The following GANC variants were observed in gnomAD, a reference collection of about 807,000 sequenced individuals.
The protein encoded by GANC is glucosidase alpha, neutral C, also known as neutral alpha-glucosidase C.
In GANC, 117 loss-of-function variants were observed where a neutral mutation model predicts 124.2. The ratio of observed to expected loss-of-function variants is 0.94; its 90% CI spans 0.81 to 1.10. The LOEUF (loss-of-function observed/expected upper bound fraction) is 1.10. GANC is among the 50% of genes least tolerant of loss of function. The pLI is 0.00. For missense variants in GANC, 1,140 were observed against 1,095.0 expected, an observed-to-expected ratio of 1.04 and a Z score of -0.58; for synonymous variants, 377 against 376.8, an observed-to-expected ratio of 1.00 and a Z score of -0.01.
At chr15:42,329,649 G>A (rs1413072894) in intron 14 of GANC, 200 bp downstream of exon 14, 1 of 447,996 alleles carries the variant, frequency 2.2e-6, no homozygotes, top group Non-Finnish European at 3.9e-6. Flanking sequence ...TTTTCATGAT[G>A]AACTTGATGA....
intron 5 of GANC, among the ~76,000 whole-genome samples, chr15:42,293,423 G>A (rs935565645): frequency 1.2e-4 from 19 of 152,076 alleles, no homozygotes; most frequent in African/African-American, 4.3e-4. Context: ...TTAGTCTATA[G>A]TTCTTTCTAT....
intron 1 of GANC, among the ~76,000 whole-genome samples, chr15:42,274,976 G>C (rs1314931961): frequency 1.3e-5 from 2 of 152,174 alleles, no homozygotes; most frequent in Non-Finnish European, 2.9e-5. Context: ...TTTCAGGCAT[G>C]TTGCTTTCCA....
intron 11 of GANC, among the ~76,000 whole-genome samples, chr15:42,325,525 T>G (rs968178750): frequency 3.3e-5 from 5 of 152,200 alleles, no homozygotes; most frequent in African/African-American, 1.2e-4. Flanking sequence ...CCACTGGGCT[T>G]GGGGACTTTG....
chr15:42,352,280 T>C lies in GANC; in HGVS notation c.*141T>C, dbSNP rs920984360. 15 of 1,445,924 alleles carry C rather than the reference T, an allele frequency of 1.0e-5. No homozygotes were observed. Among genetic ancestry groups the C allele is most frequent in the Non-Finnish European group, 1.4e-5 (15 of 1,099,412 alleles). The allele number at this position is 1,445,924 out of a possible 1,614,324, so 89.6% of individuals were successfully genotyped here. ...CTTTCATTCGTCACCATTATACTAA[T>C]GAACAATAGATTTCATGTTTCAAAA... On this transcript the variant is annotated 3_prime_UTR_variant, in exon 24 of 24. Transcript: ENST00000318010.
rs2052280404 is a variant in GANC at position 42,336,050 on chromosome 15, A to G, written c.1742-2339A>G. On this transcript the variant is annotated intron_variant, in intron 15 of 23. Coordinates refer to ENST00000318010, the MANE Select transcript of GANC (RefSeq NM_198141.3). ...TGAAATGGCCATACTGCCCAAAGCA[A>G]TTTATAGATTCCGTGCTATTCCTGT... Among the ~76,000 whole-genome samples, 5 of 152,084 alleles carry G rather than the reference A, an allele frequency of 3.3e-5. No individual in the cohort carries two copies. In the South Asian group the frequency reaches 1.0e-3, roughly 32 times the overall value.
chr15:42,305,360 C>G (rs938557406), intron 6 of GANC, among the ~76,000 whole-genome samples: 1 of 152,228 alleles, frequency 6.6e-6, no homozygotes, highest in African/African-American at 2.4e-5. Flanking sequence ...CTCATCATCA[C>G]TGGTCATTAG....
chr15:42,278,670 A>G, intron 3 of GANC, 80 bp downstream of exon 3: 1 of 996,620 alleles, frequency 1.0e-6, no homozygotes, highest in Non-Finnish European at 1.5e-6. Flanking sequence ...AAAGCTATGT[A>G]TGCTTCAAAA....
intron 10 of GANC, 44 bp downstream of exon 10, chr15:42,310,890 C>A (rs1440803430): frequency 8.2e-6 from 13 of 1,575,996 alleles, no homozygotes; most frequent in Non-Finnish European, 1.1e-5. Context: ...TGTTACATAT[C>A]CAATGTCCCA....
intron 11 of GANC, among the ~76,000 whole-genome samples, chr15:42,324,093 A>C (rs1410193581): frequency 6.6e-6 from 1 of 152,152 alleles, no homozygotes; most frequent in Non-Finnish European, 1.5e-5. Flanking sequence ...GCAACAACAA[A>C]AAAAAACAGT....
intron 3 of GANC, among the ~76,000 whole-genome samples, chr15:42,287,337 T>C (rs1046055262): frequency 6.6e-6 from 1 of 152,224 alleles, no homozygotes; most frequent in Non-Finnish European, 1.5e-5. Flanking sequence ...GTATCTGTAG[T>C]TTATCATAGA....
intron 7 of GANC, among the ~76,000 whole-genome samples, chr15:42,307,382 G>A (rs1318665012): frequency 7.2e-6 from 1 of 138,190 alleles, no homozygotes; most frequent in Non-Finnish European, 1.5e-5. Flanking sequence ...CACCCAGGCT[G>A]GAGTGCAGTG....
intron 11 of GANC, among the ~76,000 whole-genome samples, chr15:42,323,675 G>T (rs1341237953): frequency 6.6e-6 from 1 of 151,914 alleles, no homozygotes; most frequent in South Asian, 2.1e-4. Flanking sequence ...ACTAATTTTT[G>T]TATTTTTAGT....
rs944808633 is a variant in GANC at position 42,294,547 on chromosome 15, C to T, written c.512+1630C>T. Among the ~76,000 whole-genome samples, 12 of 146,022 alleles carry T rather than the reference C, an allele frequency of 8.2e-5. No individual in the cohort carries two copies. In the East Asian group the frequency reaches 9.9e-4, roughly 12 times the overall value. ...CTGAGATCATACCATTGCACTCCAG[C>T]CTGGGCAGCAGAGCAAGACTCTGTC... is the stretch of plus-strand genomic sequence containing the variant. On this transcript the variant is annotated intron_variant, in intron 5 of 23. Coordinates refer to ENST00000318010, the MANE Select transcript of GANC (RefSeq NM_198141.3).
At chr15:42,281,024 A>G (rs964019340) in intron 3 of GANC, 1 of 702,576 alleles carries the variant, frequency 1.4e-6, no homozygotes, top group Non-Finnish European at 2.6e-6. Context: ...ACCTGGCTCA[A>G]AAGGAAGCTG....
intron 10 of GANC, among the ~76,000 whole-genome samples, chr15:42,311,462 T>C (rs1238684457): frequency 2.0e-5 from 3 of 152,176 alleles, no homozygotes; most frequent in Admixed American, 6.5e-5. Context: ...AAGATCAATA[T>C]ATTAATCCAC....
At chr15:42,297,756 G>T in intron 6 of GANC, 100 bp downstream of exon 6, 1 of 775,674 alleles carries the variant, frequency 1.3e-6, no homozygotes, top group Non-Finnish European at 2.0e-6. Context: ...AAGGGTGCTT[G>T]TTAAATGATC....
chr15:42,313,510 T>G (rs1009319811), intron 10 of GANC, among the ~76,000 whole-genome samples: 5 of 152,182 alleles, frequency 3.3e-5, no homozygotes, highest in Admixed American at 2.0e-4. Context: ...CCAGAATACA[T>G]GAAGAACTGT....
chr15:42,285,205 G>T (rs747352948), intron 3 of GANC, among the ~76,000 whole-genome samples: 1 of 152,198 alleles, frequency 6.6e-6, no homozygotes, highest in Non-Finnish European at 1.5e-5. Context: ...GATTGGGAAA[G>T]AACTGGCAGT....
rs368952184 is a variant in GANC at position 42,313,418 on chromosome 15, A to G, written c.1057+2572A>G. Among the ~76,000 whole-genome samples the G allele has an allele frequency of 2.2e-4, 33 of 152,372 alleles. No homozygotes were observed. The East Asian group carries it at 4.0e-3, about 19-fold the overall frequency. Reference sequence around the variant, plus strand: ...TCACTAACATTAAAAACTTTTGTGCATCAAAGAACATAAAGTGAAAAAGCA... The same window carrying G: ...TCACTAACATTAAAAACTTTTGTGCGTCAAAGAACATAAAGTGAAAAAGCA... On this transcript the variant is annotated intron_variant, in intron 10 of 23. Coordinates refer to ENST00000318010, the MANE Select transcript of GANC (RefSeq NM_198141.3).
Sources: allele counts gnomAD v4.1 joint callset (sites outside exome capture counted in the v4.1 genomes callset), GRCh38; gene constraint gnomAD v4.1.1; transcripts MANE v1.5; gene names NCBI Gene and HGNC (gene_info 2026-07-23, HGNC 2026-07-21).